Variants in E2F3 observed in about 807,000 individuals in gnomAD.
E2F3 encodes the protein E2F transcription factor 3.
A neutral mutation model predicts 44.4 loss-of-function variants in E2F3; 11 were observed. That is an observed-to-expected ratio of 0.25 (90% CI 0.16 to 0.41). The LOEUF is 0.41. Among genes scored for constraint, E2F3 ranks in the 10% least tolerant of loss-of-function variants. The pLI, the probability that E2F3 is intolerant of heterozygous loss-of-function variation, is 1.00. For synonymous variants in E2F3, 249 were observed against 253.0 expected, an observed-to-expected ratio of 0.98 and a Z score of 0.15; for missense variants, 487 against 583.6, an observed-to-expected ratio of 0.83 and a Z score of 1.70.
At chr6:20,453,414 T>TG (rs540167282) in intron 1 of E2F3, among the ~76,000 whole-genome samples, 200 of 151,640 alleles carry the variant, frequency 1.3e-3, no homozygotes, top group African/African-American at 4.6e-3. Context: ...TTTTTGTTTT[T>TG]GTTTTTGTTT....
chr6:20,473,312 A>G (rs79252365), intron 1 of E2F3, among the ~76,000 whole-genome samples: 4,588 of 152,336 alleles, frequency 0.03, 96 homozygotes, highest in Admixed American at 0.049. Context: ...AGTTATAAGC[A>G]TGGACTTGTA....
intron 1 of E2F3, among the ~76,000 whole-genome samples, chr6:20,453,217 A>G (rs1013313705): frequency 5.3e-5 from 8 of 151,872 alleles, no homozygotes; most frequent in African/African-American, 1.9e-4. Context: ...AGAATTTTCC[A>G]TTCTTTCTTT....
chr6:20,457,230 A>C (rs1157314491), intron 1 of E2F3, among the ~76,000 whole-genome samples: 3 of 151,688 alleles, frequency 2.0e-5, no homozygotes, highest in Non-Finnish European at 4.4e-5. Context: ...GCTGGAGTAC[A>C]GTGGTCCCAT....
At chr6:20,449,133 G>GA (rs1761043744) in intron 1 of E2F3, among the ~76,000 whole-genome samples, 1 of 151,914 alleles carries the variant, frequency 6.6e-6, no homozygotes, top group Non-Finnish European at 1.5e-5. Flanking sequence ...TACATGTAAA[G>GA]AAAAAAATGT....
chr6:20,448,337 A>T (rs2127599481), intron 1 of E2F3, among the ~76,000 whole-genome samples: 1 of 152,298 alleles, frequency 6.6e-6, no homozygotes, highest in African/African-American at 2.4e-5. Context: ...TCCAGTGTCC[A>T]TACAGGAGAA....
intron 4 of E2F3, among the ~76,000 whole-genome samples, chr6:20,484,582 G>A (rs192723787): frequency 3.3e-5 from 5 of 152,252 alleles, no homozygotes; most frequent in East Asian, 1.9e-4. Flanking sequence ...AAAGGCATCC[G>A]TTGACTTCTT....
Position 20,490,380 on chromosome 6 carries a change from G to A in E2F3, c.1348G>A (p.Ala450Thr), listed in dbSNP as rs748985549. The A allele has an allele frequency of 3.7e-6, 6 of 1,606,954 alleles. No homozygotes were observed. The highest frequency in any genetic ancestry group is 1.3e-5 in the African/African-American group (1 of 74,812). The stretch of plus-strand genomic sequence containing the variant: ...GGAAGGCATCAGCGATCTCTTCGAT[G>A]CTTACGATTTGGAAAAGCTCCCACT... ...EEEGISDLFDAYDLEKLPLVE... is the reference protein window; with the variant it reads ...EEEGISDLFDTYDLEKLPLVE... The change falls in exon 7 of 7, where the codon GCT becomes ACT. Residue 450 changes from alanine (A) to threonine (T), a missense_variant. Ala to Thr is a moderately conservative substitution (Grantham distance 58). This residue lies in a region of E2F3 where 220 missense variants were observed against 261.7 expected (regional missense o/e 0.84). Transcript: ENST00000346618. The surrounding 1 kb of genome is among the most constrained non-coding windows in gnomAD (Gnocchi z 4.3).
In E2F3 at chr6:20,429,533, G is replaced by A. The variant is rs369950385; in HGVS notation, c.393+26908G>A. ...ATCTGAGGTTTCAGGCCTGCAGTAG[G>A]GGTCTTGGAATGTATCCTCGGAGGA... On this transcript the variant is annotated intron_variant, in intron 1 of 6. Transcript: ENST00000346618. Among the ~76,000 whole-genome samples the A allele has an allele frequency of 9.9e-5, 15 of 152,224 alleles. No homozygotes were observed. In the South Asian group the frequency reaches 2.3e-3, roughly 23 times the overall value.
chr6:20,414,217 A>G (rs1759768144), intron 1 of E2F3, among the ~76,000 whole-genome samples: 1 of 152,232 alleles, frequency 6.6e-6, no homozygotes, highest in Non-Finnish European at 1.5e-5. Flanking sequence ...CCTCTGTAAT[A>G]TGAAAACGAG....
rs1200372828 is a variant in E2F3 at position 20,491,475 on chromosome 6, G to A, written c.*1045G>A. ...GAGCTTGGAGCGAGTCAGTCCTGGG[G>A]CTTGCTGACATGGGTGGCCCATTGG... On this transcript the variant is annotated 3_prime_UTR_variant, in exon 7 of 7. Transcript: ENST00000346618. 1.8e-5 allele frequency: 4 copies of A among 222,702 alleles called. No homozygotes were observed. Among genetic ancestry groups the A allele is most frequent in the Non-Finnish European group, 3.6e-5 (4 of 111,196 alleles). 13.8% of individuals were successfully genotyped at this position (222,702 alleles called of 1,614,324 possible).
intron 1 of E2F3, among the ~76,000 whole-genome samples, chr6:20,441,338 C>T (rs1273881711): frequency 6.6e-6 from 1 of 152,200 alleles, no homozygotes; most frequent in East Asian, 1.9e-4. Context: ...ATCAGAATCT[C>T]ATTCTTTTTA....
At chr6:20,422,007 T>G (rs889863836) in intron 1 of E2F3, 1 of 152,278 alleles carries the variant, frequency 6.6e-6, no homozygotes, top group Non-Finnish European at 1.5e-5. Context: ...CTTTTGATGC[T>G]TTGAAGCCAG....
intron 5 of E2F3, among the ~76,000 whole-genome samples, chr6:20,487,476 T>C (rs946575313): frequency 4.5e-4 from 69 of 152,340 alleles, no homozygotes; most frequent in African/African-American, 1.5e-3. Flanking sequence ...ATTCTCTTAA[T>C]AGATGCAGTT....
At chr6:20,430,097 C>A (rs1349791248) in intron 1 of E2F3, among the ~76,000 whole-genome samples, 1 of 152,040 alleles carries the variant, frequency 6.6e-6, no homozygotes, top group Non-Finnish European at 1.5e-5. Context: ...CTTTTAAATT[C>A]TAAATTTGCT....
At chr6:20,423,757 C>CTGCA (rs1445307270) in intron 1 of E2F3, among the ~76,000 whole-genome samples, 4 of 150,450 alleles carry the variant, frequency 2.7e-5, no homozygotes, top group South Asian at 2.1e-4. Flanking sequence ...GTGTGAGCCA[C>CTGCA]CACACCCGGC....
intron 1 of E2F3, among the ~76,000 whole-genome samples, chr6:20,441,394 A>G (rs1760768416): frequency 6.6e-6 from 1 of 152,136 alleles, no homozygotes; most frequent in South Asian, 2.1e-4. Context: ...CATTTTGTTT[A>G]TCTTTTCATT....
At chr6:20,447,573 T>C (rs1019291428) in intron 1 of E2F3, among the ~76,000 whole-genome samples, 1 of 151,894 alleles carries the variant, frequency 6.6e-6, no homozygotes, top group Admixed American at 6.6e-5. Context: ...TTTGCACTGA[T>C]CTAGCCTCTA....
Position 20,402,143 on chromosome 6 carries a change from G to A in E2F3, c.-90G>A. The stretch of plus-strand genomic sequence containing the variant: ...CGCCGGGCGGGGAGGAGAGAAGGAG[G>A]AGAGACTTGGAAACTCCGACTGCAA... On this transcript the variant is annotated 5_prime_UTR_variant, in exon 1 of 7. Transcript: ENST00000346618. This position sits in a 1 kb window ranked among gnomAD's most constrained non-coding sequence, Gnocchi z 5.6. The A allele has an allele frequency of 6.9e-7, 1 of 1,454,242 alleles. No homozygotes were observed. The highest frequency in any genetic ancestry group is 9.0e-7 in the Non-Finnish European group (1 of 1,111,280). The allele number at this position is 1,454,242 out of a possible 1,614,324, so 90.1% of individuals were successfully genotyped here.
chr6:20,402,816 G>A lies in E2F3; in HGVS notation c.393+191G>A, dbSNP rs1323412931. Among the ~76,000 whole-genome samples, 1 of 151,998 alleles carries A rather than the reference G, an allele frequency of 6.6e-6. No individual in the cohort carries two copies. The highest frequency in any genetic ancestry group is 1.5e-5 in the Non-Finnish European group (1 of 67,952). ...TTCCCGGCGCCAGGAGGGTCGGGGGGCTCGGCCAGGCGCGCGGGGCGGCGG... is the reference window on the plus strand; with the variant it reads ...TTCCCGGCGCCAGGAGGGTCGGGGGACTCGGCCAGGCGCGCGGGGCGGCGG... On this transcript the variant is annotated intron_variant, in intron 1 of 6. Transcript: ENST00000346618. This position sits in a 1 kb window ranked among gnomAD's most constrained non-coding sequence, Gnocchi z 5.6.
Sources: gnomAD v4.1 joint callset for allele counts (sites outside exome capture counted in the v4.1 genomes callset) on GRCh38, gnomAD v4.1.1 for gene constraint, gnomAD v4.1.1 regional missense constraint, Gnocchi (gnomAD v3.1) non-coding constraint, MANE v1.5 for transcripts, NCBI Gene and HGNC (gene_info 2026-07-23, HGNC 2026-07-21) for gene names.